PDE3A: variants seen among roughly 807,000 people sequenced by gnomAD.
PDE3A encodes cGMP-inhibited 3',5'-cyclic phosphodiesterase 3A.
In PDE3A, 43 loss-of-function variants were observed where a neutral mutation model predicts 98.3. The ratio of observed to expected loss-of-function variants is 0.44; its 90% CI spans 0.34 to 0.56. PDE3A has a LOEUF of 0.56. Among genes scored for constraint, PDE3A ranks in the 20% least tolerant of loss-of-function variants. The pLI is 0.01. For missense variants in PDE3A, 1,427 were observed against 1,440.7 expected (o/e 0.99, Z 0.15); for synonymous variants, 663 against 567.9 (o/e 1.17, Z -2.38).
intron 12 of PDE3A, 80 bp downstream of exon 12, chr12:20,647,030 C>A: frequency 2.0e-6 from 2 of 985,650 alleles, no homozygotes; most frequent in Non-Finnish European, 1.6e-6. Flanking sequence ...TTATAACAGG[C>A]ACCAAGTTAA....
chr12:20,493,134 A>G (rs1420909440), intron 1 of PDE3A, among the ~76,000 whole-genome samples: 1 of 152,200 alleles, frequency 6.6e-6, no homozygotes, highest in African/African-American at 2.4e-5. Context: ...TGTTAATAGT[A>G]TCATTAACAC....
At chr12:20,672,546 A>C (rs546303457) in intron 15 of PDE3A, among the ~76,000 whole-genome samples, 1 of 151,636 alleles carries the variant, frequency 6.6e-6, no homozygotes, top group South Asian at 2.1e-4. Context: ...ATAACGCTGC[A>C]TATCTACAAC....
chr12:20,384,355 G>A (rs562794619), intron 1 of PDE3A, among the ~76,000 whole-genome samples: 2 of 151,498 alleles, frequency 1.3e-5, no homozygotes, highest in African/African-American at 4.8e-5. Context: ...ATACTATAAC[G>A]TTTTGTGTAA....
At chr12:20,393,749 C>G (rs187252488) in intron 1 of PDE3A, among the ~76,000 whole-genome samples, 5 of 151,976 alleles carry the variant, frequency 3.3e-5, no homozygotes, top group Non-Finnish European at 7.4e-5. Flanking sequence ...AAGGTGGCAC[C>G]GTTAATGGTG....
chr12:20,496,723 T>C (rs778373975), intron 1 of PDE3A, among the ~76,000 whole-genome samples: 1 of 152,244 alleles, frequency 6.6e-6, no homozygotes, highest in Non-Finnish European at 1.5e-5. Context: ...TTTGCTATGT[T>C]GGATAGAAAA....
intron 15 of PDE3A, among the ~76,000 whole-genome samples, chr12:20,671,860 CA>C (rs1171338516): frequency 1.4e-5 from 2 of 147,698 alleles, no homozygotes; most frequent in Non-Finnish European, 3.0e-5. Context: ...GGCAATTAGG[CA>C]GGAGAAGGAA....
chr12:20,483,036 C>T (rs1294957795), intron 1 of PDE3A, among the ~76,000 whole-genome samples: 2 of 152,028 alleles, frequency 1.3e-5, no homozygotes, highest in Admixed American at 1.3e-4. Context: ...TCCTAGACAT[C>T]CTTTTTTCAG....
chr12:20,452,853 T>C (rs1375106577), intron 1 of PDE3A, among the ~76,000 whole-genome samples: 1 of 152,148 alleles, frequency 6.6e-6, no homozygotes, highest in Admixed American at 6.5e-5. Context: ...CTCGCACTCT[T>C]TGGGTGGCTC....
chr12:20,435,426 C>T (rs576877981), intron 1 of PDE3A, among the ~76,000 whole-genome samples: 3 of 152,216 alleles, frequency 2.0e-5, no homozygotes, highest in African/African-American at 7.2e-5. Context: ...AAATAGTGAA[C>T]CTGGAACAAC....
chr12:20,520,215 A>C, intron 1 of PDE3A, among the ~76,000 whole-genome samples: 1 of 152,328 alleles, frequency 6.6e-6, no homozygotes, highest in Non-Finnish European at 1.5e-5. Flanking sequence ...GGCATGTGAT[A>C]ATAAAAAACC....
chr12:20,653,841 T>C (rs1944977609), intron 14 of PDE3A, 106 bp from the exon 15 acceptor site: 2 of 1,170,218 alleles, frequency 1.7e-6, no homozygotes, highest in Non-Finnish European at 2.5e-6. Context: ...GGTAGGATCC[T>C]TTAGCTGTCA....
intron 1 of PDE3A, chr12:20,449,831 A>G: frequency 1.8e-6 from 1 of 559,132 alleles, no homozygotes; most frequent in Non-Finnish European, 3.2e-6. Flanking sequence ...TTCAGCACTA[A>G]TTTACTGGCA....
chr12:20,675,696 G>T (rs12314909), intron 15 of PDE3A, among the ~76,000 whole-genome samples: 104,960 of 152,100 alleles, frequency 0.69, 36,418 homozygotes, highest in East Asian at 0.79. Context: ...AATTGATCTC[G>T]TTGTCATTAT....
intron 1 of PDE3A, among the ~76,000 whole-genome samples, chr12:20,505,452 C>T (rs1262288182): frequency 6.6e-6 from 1 of 151,172 alleles, no homozygotes; most frequent in Non-Finnish European, 1.5e-5. Flanking sequence ...GCTCTCTTTC[C>T]ATATGTGGTA....
In PDE3A at chr12:20,664,441, G is replaced by T. The variant is rs185381817; in HGVS notation, c.3184+10236G>T. 2.6e-5 allele frequency among the ~76,000 whole-genome samples: 4 copies of T among 152,206 alleles called. No individual in the cohort carries two copies. The South Asian group carries it at 6.2e-4, about 24-fold the overall frequency. On this transcript the variant is annotated intron_variant, in intron 15 of 15. Transcript: ENST00000359062. ...GCCTACTTTACCTCTCTACTCAGAG[G>T]TCTTCCAGACACTTCATGTTCAGAA...
intron 1 of PDE3A, among the ~76,000 whole-genome samples, chr12:20,415,560 C>T (rs554767716): frequency 6.6e-6 from 1 of 152,160 alleles, no homozygotes; most frequent in East Asian, 1.9e-4. Flanking sequence ...ATCTCAGCCT[C>T]CCAAGTAGCT....
At position 20,545,086 on chromosome 12, in the gene PDE3A, A is replaced by G. The variant is rs149710549; in HGVS notation, c.961-11574A>G. On this transcript the variant is annotated intron_variant, in intron 1 of 15. Transcript: ENST00000359062. ...AGCATGAGACTGATGTGATTACATT[A>G]TTATTAATAGTCTCCAAAATTCAAA... 9.2e-5 allele frequency among the ~76,000 whole-genome samples: 14 copies of G among 152,192 alleles called. No individual in the cohort carries two copies. The East Asian group carries it at 2.3e-3, about 25-fold the overall frequency.
At chr12:20,483,958 G>C (rs1287047326) in intron 1 of PDE3A, among the ~76,000 whole-genome samples, 3 of 152,194 alleles carry the variant, frequency 2.0e-5, no homozygotes, top group Admixed American at 2.0e-4. Flanking sequence ...TGAGCAGGCT[G>C]CCTGGAACCT....
At chr12:20,547,027 G>A (rs1323412532) in intron 1 of PDE3A, among the ~76,000 whole-genome samples, 2 of 152,042 alleles carry the variant, frequency 1.3e-5, no homozygotes, top group African/African-American at 4.8e-5. Flanking sequence ...ACATAGAGAT[G>A]CTTTGCTGCT....
Sources: gnomAD v4.1 joint callset for allele counts (sites outside exome capture counted in the v4.1 genomes callset) on GRCh38, gnomAD v4.1.1 for gene constraint, MANE v1.5 for transcripts, NCBI Gene and HGNC (gene_info 2026-07-23, HGNC 2026-07-21) for gene names.